Variants in ENOX2 observed in about 807,000 individuals in gnomAD.
ENOX2 encodes APK1 antigen.
ENOX2 carries 36 observed loss-of-function variants against 45.0 expected under a neutral mutation model. The observed-to-expected ratio is 0.80, with a 90% confidence interval of 0.61 to 1.06. The LOEUF (loss-of-function observed/expected upper bound fraction) is 1.06, where lower values mean the gene tolerates loss of function less well. Among genes scored for constraint, ENOX2 ranks in the 50% least tolerant of loss-of-function variants. The probability of loss-of-function intolerance (pLI) is 0.00; values close to 1 mark genes in which losing one functional copy is unlikely to be tolerated. For missense variants in ENOX2, 423 were observed against 462.5 expected (o/e 0.91, Z 0.78); for synonymous variants, 174 against 152.3 (o/e 1.14, Z -1.05).
rs182715857 is a variant in ENOX2 at position 130,739,442 on chromosome X, G to A, written c.-38-36188C>T. 6.2e-5 allele frequency among the ~76,000 whole-genome samples: 7 copies of A among 112,440 alleles called. No homozygotes were observed. In the Admixed American group the frequency reaches 6.6e-4, roughly 11 times the overall value. ...TTGACTTACGGTATTTTCAATTTACGATGTGTTTATCGGGCAGTAACCCCA... is the reference window on the plus strand; with the variant it reads ...TTGACTTACGGTATTTTCAATTTACAATGTGTTTATCGGGCAGTAACCCCA... On this transcript the variant is annotated intron_variant, in intron 3 of 14. Coordinates refer to ENST00000394363, the MANE Select transcript of ENOX2 (RefSeq NM_006375.4).
chrX:130,730,485 C>T (rs1407015521), intron 3 of ENOX2, among the ~76,000 whole-genome samples: 2 of 112,058 alleles, frequency 1.8e-5, no homozygotes, highest in East Asian at 5.6e-4. Context: ...AGAACTGGTA[C>T]TGACAGGAGG....
intron 9 of ENOX2, among the ~76,000 whole-genome samples, chrX:130,661,643 A>T (rs1358048692): frequency 1.8e-5 from 2 of 112,204 alleles, no homozygotes; most frequent in Non-Finnish European, 3.8e-5. Context: ...TCAGGTTCTT[A>T]ATTAATGTCT....
intron 3 of ENOX2, among the ~76,000 whole-genome samples, chrX:130,712,369 G>A (rs1390898464): frequency 9.0e-6 from 1 of 111,360 alleles, no homozygotes; most frequent in East Asian, 2.8e-4. Context: ...CATAGCCAGC[G>A]CCAGGAAAAA....
chrX:130,756,212 C>T (rs901138831), intron 3 of ENOX2, among the ~76,000 whole-genome samples: 3 of 112,118 alleles, frequency 2.7e-5, no homozygotes, highest in Non-Finnish European at 3.8e-5. Context: ...AGACAGTTGG[C>T]GTAGGTAACA....
intron 4 of ENOX2, among the ~76,000 whole-genome samples, chrX:130,695,974 C>A (rs1224283535): frequency 9.0e-6 from 1 of 111,601 alleles, no homozygotes; most frequent in Non-Finnish European, 1.9e-5. Flanking sequence ...CTTGGAGGCA[C>A]AAGTTCCCAA....
chrX:130,836,873 T>C (rs2077935925), intron 2 of ENOX2, among the ~76,000 whole-genome samples: 1 of 112,018 alleles, frequency 8.9e-6, no homozygotes, highest in African/African-American at 3.2e-5. Flanking sequence ...ATCTGTGGGT[T>C]ATTTTCCTCA....
intron 3 of ENOX2, among the ~76,000 whole-genome samples, chrX:130,741,700 C>T (rs1186620042): frequency 5.4e-5 from 6 of 111,116 alleles, no homozygotes; most frequent in South Asian, 3.8e-4. Flanking sequence ...ATGAATGTGG[C>T]GCATGCTTTC....
rs931577667 is a variant in ENOX2, at chrX:130,890,208, A to G, written c.-183+11476T>C. Among the ~76,000 whole-genome samples, 3 of 111,524 alleles carry G rather than the reference A, an allele frequency of 2.7e-5. No individual in the cohort carries two copies. The South Asian group carries it at 1.1e-3, about 43-fold the overall frequency. Reference sequence around the variant, plus strand: ...AAAAAATGAGGAATATGACTGACAGAGTGTCCCAAAAGGCAATGAGGTGGG... The same window carrying G: ...AAAAAATGAGGAATATGACTGACAGGGTGTCCCAAAAGGCAATGAGGTGGG... On this transcript the variant is annotated intron_variant, in intron 2 of 14. Transcript: ENST00000394363.
intron 2 of ENOX2, among the ~76,000 whole-genome samples, chrX:130,819,725 C>T (rs766755327): frequency 4.5e-5 from 5 of 110,649 alleles, no homozygotes; most frequent in African/African-American, 6.6e-5. Flanking sequence ...GGCCTGTCAG[C>T]GGGTGGGAGG....
intron 2 of ENOX2, among the ~76,000 whole-genome samples, chrX:130,850,298 T>C (rs1339936214): frequency 1.8e-5 from 2 of 111,628 alleles, no homozygotes; most frequent in African/African-American, 6.5e-5. Flanking sequence ...CTTCTGTATC[T>C]TTTTTATGAG....
At chrX:130,882,022 A>G (rs988803717) in intron 2 of ENOX2, among the ~76,000 whole-genome samples, 1 of 111,999 alleles carries the variant, frequency 8.9e-6, no homozygotes. Flanking sequence ...CATGACTTCA[A>G]GAACTCAGTC....
At chrX:130,852,901 T>C (rs776988212) in intron 2 of ENOX2, among the ~76,000 whole-genome samples, 1 of 110,929 alleles carries the variant, frequency 9.0e-6, no homozygotes, top group South Asian at 3.8e-4. Context: ...AAAAAATATA[T>C]CTGAGTCTCT....
At chrX:130,734,797 A>C (rs1212442483) in intron 3 of ENOX2, among the ~76,000 whole-genome samples, 1 of 112,266 alleles carries the variant, frequency 8.9e-6, no homozygotes, top group African/African-American at 3.2e-5. Context: ...AGATACAATC[A>C]TCTTTCTTGC....
intron 2 of ENOX2, among the ~76,000 whole-genome samples, chrX:130,858,410 G>A (rs1179887061): frequency 5.4e-5 from 6 of 111,102 alleles, no homozygotes; most frequent in South Asian, 3.8e-4. Flanking sequence ...GAGCCACAGC[G>A]CCCGGCCAAT....
chrX:130,883,619 G>A (rs983831475), intron 2 of ENOX2, among the ~76,000 whole-genome samples: 4 of 111,162 alleles, frequency 3.6e-5, no homozygotes, highest in Non-Finnish European at 5.7e-5. Flanking sequence ...ATAAATTTTC[G>A]AATTTGTTAA....
In ENOX2 at chrX:130,631,584, C is replaced by G. The variant is rs1368991305; in HGVS notation, c.1420-8G>C. The G allele has an allele frequency of 1.9e-6, 2 of 1,075,597 alleles. No homozygotes were observed. The highest frequency in any genetic ancestry group is 2.2e-5 in the Admixed American group (1 of 45,797). The allele number at this position is 1,075,597 out of a possible 1,213,427, so 88.6% of individuals were successfully genotyped here. On this transcript the variant is annotated splice_polypyrimidine_tract_variant and splice_region_variant and intron_variant, in intron 12 of 14. Coordinates refer to ENST00000394363, the MANE Select transcript of ENOX2 (RefSeq NM_006375.4). ...CCTAGAAGCACAGCTTTCCTGTGGA[C>G]ACAACATGCTTCTAGGTCAGTTCAC...
At chrX:130,702,208 A>G (rs1383477142) in intron 4 of ENOX2, among the ~76,000 whole-genome samples, 1 of 111,468 alleles carries the variant, frequency 9.0e-6, no homozygotes, top group East Asian at 2.8e-4. Flanking sequence ...CATTACTCTA[A>G]ATCTGTTTCT....
rs747944133 is a variant in ENOX2, at chrX:130,679,644, C to T, written c.358G>A (p.Glu120Lys). ...GTEQIIVEVF[E>K]QCGEIIAIRK... The stretch of plus-strand genomic sequence containing the variant: ...ATGGCAATGATCTCTCCACACTGCT[C>T]GAAAACTTCCACAATGATTTGCTCT... Residue 120 changes from glutamate to lysine, a missense_variant, in exon 6 of 15, where the codon GAG (glutamate) becomes AAG (lysine). Physicochemically the swap from Glu to Lys is moderately conservative, Grantham distance 56. This residue lies in a region of ENOX2 where 261 missense variants were observed against 306.8 expected (regional missense o/e 0.85). Transcript: ENST00000394363. 4.1e-6 allele frequency: 5 copies of T among 1,209,953 alleles called. No homozygotes were observed. In the Admixed American group the frequency reaches 6.5e-5, roughly 16 times the overall value.
At position 130,678,335 on chromosome X, in the gene ENOX2, C is replaced by T. The variant is rs753143036; in HGVS notation, c.460+1207G>A. Among the ~76,000 whole-genome samples, 5 of 111,516 alleles carry T rather than the reference C, an allele frequency of 4.5e-5. No individual in the cohort carries two copies. The East Asian group carries it at 1.4e-3, about 31-fold the overall frequency. Reference sequence around the variant, plus strand: ...CATACCTCTCAGCCCATCTTCTGCTCAGAAGTAACATTTGTAAAATGTAAA... The same window carrying T: ...CATACCTCTCAGCCCATCTTCTGCTTAGAAGTAACATTTGTAAAATGTAAA... On this transcript the variant is annotated intron_variant, in intron 6 of 14. Transcript: ENST00000394363.
Sources: gnomAD v4.1 joint callset for allele counts (sites outside exome capture counted in the v4.1 genomes callset) on GRCh38, gnomAD v4.1.1 for gene constraint, gnomAD v4.1.1 regional missense constraint, MANE v1.5 for transcripts, NCBI Gene and HGNC (gene_info 2026-07-23, HGNC 2026-07-21) for gene names.